Variants in CEP78 observed in about 807,000 individuals in gnomAD.
CEP78 encodes centrosomal protein 78, also known as centrosomal protein of 78 kDa.
Under a neutral mutation model 81.2 loss-of-function variants are expected in CEP78, and 76 were observed. That is an observed-to-expected ratio of 0.94 (90% CI 0.78 to 1.13). The LOEUF (loss-of-function observed/expected upper bound fraction) is 1.13. CEP78 is among the 50% of genes most tolerant of loss of function. The pLI is 0.00. For synonymous variants in CEP78, 293 were observed against 301.4 expected (o/e 0.97, Z 0.29); for missense variants, 918 against 846.8 (o/e 1.08, Z -1.04).
At position 78,247,768 on chromosome 9, in the gene CEP78, G is replaced by A. The variant is rs149212079; in HGVS notation, c.893-523G>A. 1.6e-3 allele frequency among the ~76,000 whole-genome samples: 245 copies of A among 152,260 alleles called. 5 individuals are homozygous for A. Among genetic ancestry groups the A allele is most frequent in the Middle Eastern group, 0.01 (3 of 294 alleles). On this transcript the variant is annotated intron_variant, in intron 6 of 16. Transcript: ENST00000643273. The stretch of plus-strand genomic sequence containing the variant: ...ATGGCTTCACTTAGGGTGGAAGGTT[G>A]GAGGTGGTAAAAAGTGGTTGAAACA...
intron 1 of CEP78, 84 bp downstream of exon 1, chr9:78,236,687 T>G: frequency 6.8e-7 from 1 of 1,473,622 alleles, no homozygotes; most frequent in Admixed American, 2.7e-5. Context: ...TCGGGGTATG[T>G]GTGCAATAGA....
intron 16 of CEP78, among the ~76,000 whole-genome samples, chr9:78,267,714 G>T (rs1311223386): frequency 1.3e-5 from 2 of 152,140 alleles, no homozygotes; most frequent in African/African-American, 4.8e-5. Context: ...AACACTATAA[G>T]TAGAAAAGAG....
At position 78,253,239 on chromosome 9, in the gene CEP78, C is replaced by A; in HGVS notation, c.1213C>A (p.Pro405Thr). The change falls in exon 10 of 17, where the codon CCA becomes ACA. Residue 405 changes from proline to threonine, a missense_variant. Pro to Thr is a conservative substitution (Grantham distance 38). Transcript: ENST00000643273. Reference protein sequence around the residue: ...AERAKRHRGFPLIKTRDICNQ... With the variant: ...AERAKRHRGFTLIKTRDICNQ... ...TTATCGATATCTTTTTAGGGGTTTC[C>A]CATTAATCAAAACACGTGATATATG... is the stretch of plus-strand genomic sequence containing the variant. 1 of 1,340,816 alleles carries A rather than the reference C, an allele frequency of 7.5e-7. No individual in the cohort carries two copies. Among genetic ancestry groups the A allele is most frequent in the Non-Finnish European group, 1.1e-6 (1 of 946,044 alleles). The allele number at this position is 1,340,816 out of a possible 1,614,324, so 83.1% of individuals were successfully genotyped here. A position where few individuals can be genotyped will look rare whatever the true frequency, so the allele number is the denominator to read the frequency against.
intron 5 of CEP78, 22 bp downstream of exon 5, chr9:78,243,658 G>A (rs927687433): frequency 3.1e-6 from 5 of 1,598,882 alleles, no homozygotes; most frequent in Non-Finnish European, 4.3e-6. Flanking sequence ...GAACTTGTAA[G>A]GTGGAAAATA....
Position 78,273,034 on chromosome 9 carries a change from C to T in CEP78, c.*2183C>T, listed in dbSNP as rs1349823352. The T allele has an allele frequency of 6.6e-6, 1 of 152,058 alleles. No individual in the cohort carries two copies. The highest frequency in any genetic ancestry group is 1.5e-5 in the Non-Finnish European group (1 of 68,010). The allele number at this position is 152,058 out of a possible 1,614,324, so 9.4% of individuals were successfully genotyped here. On this transcript the variant is annotated 3_prime_UTR_variant, in exon 17 of 17. Coordinates refer to ENST00000643273, the MANE Select transcript of CEP78 (RefSeq NM_001330691.3). ...GAGGGAAGCAAATGTATGTCAACAA[C>T]TTTAATAGCTACAAAACTACCTGGA...
intron 6 of CEP78, among the ~76,000 whole-genome samples, chr9:78,247,292 G>GT (rs1341491194): frequency 3.3e-5 from 5 of 152,158 alleles, no homozygotes; most frequent in African/African-American, 1.2e-4. Flanking sequence ...TATTAGATAG[G>GT]TTTTTTAGGG....
chr9:78,236,478 T>C lies in CEP78; in HGVS notation c.128T>C (p.Leu43Pro), dbSNP rs1587542147. The stretch of plus-strand genomic sequence containing the variant: ...CGCGCCTGTCTCCGGGAGGGCGTGC[T>C]GGATTTCAACGCCGACCGCCTCCGC... ...AVRACLREGV[L>P]DFNADRLRGV... Residue 43 changes from leucine to proline, a missense_variant, in exon 1 of 17, where the codon CTG (leucine) becomes CCG (proline). By Grantham distance (98) the Leu-to-Pro change is moderately conservative. Transcript: ENST00000643273. 6.2e-7 allele frequency: 1 copy of C among 1,607,508 alleles called. No individual in the cohort carries two copies.
chr9:78,264,122 G>A (rs1188575625), intron 12 of CEP78, 28 bp from the exon 13 acceptor site: 3 of 1,386,448 alleles, frequency 2.2e-6, no homozygotes, highest in East Asian at 2.7e-5. Context: ...AGAAAATCAT[G>A]TCACACATTT....
rs1221969870 is a variant in CEP78 at position 78,268,680 on chromosome 9, CTTTTT to C, written c.2107+1993_2107+1997del. Reference sequence around the variant, plus strand: ...AAATAGAATTAAGCAGGTTTCTTTTCTTTTTTTTTTTTTTTTTTTTGAGATGGAGT... The same window carrying C: ...AAATAGAATTAAGCAGGTTTCTTTTCTTTTTTTTTTTTTTTGAGATGGAGT... On this transcript the variant is annotated intron_variant, in intron 16 of 16. Coordinates refer to ENST00000643273, the MANE Select transcript of CEP78 (RefSeq NM_001330691.3). 2.3e-4 allele frequency among the ~76,000 whole-genome samples: 30 copies of C among 130,702 alleles called. No homozygotes were observed. In the South Asian group the frequency reaches 6.7e-3, roughly 29 times the overall value. The allele number at this position is 130,702 out of a possible 152,430, so 85.7% of individuals were successfully genotyped here. A position where few individuals can be genotyped will look rare whatever the true frequency, so the allele number is the denominator to read the frequency against.
At position 78,246,819 on chromosome 9, in the gene CEP78, A is replaced by T. The variant is rs748803864; in HGVS notation, c.892+37A>T. 10 of 1,187,222 alleles carry T rather than the reference A, an allele frequency of 8.4e-6. 1 individual carries two copies. The South Asian group carries it at 1.4e-4, about 16-fold the overall frequency. The allele number at this position is 1,187,222 out of a possible 1,614,324, so 73.5% of individuals were successfully genotyped here. On this transcript the variant is annotated intron_variant, in intron 6 of 16. Coordinates refer to ENST00000643273, the MANE Select transcript of CEP78 (RefSeq NM_001330691.3). ...CAATATTTTTTATTGACTAACAAATAGCAAAAGAAAAAGAATTTCTCATGT... is the reference window on the plus strand; with the variant it reads ...CAATATTTTTTATTGACTAACAAATTGCAAAAGAAAAAGAATTTCTCATGT...
intron 5 of CEP78, among the ~76,000 whole-genome samples, chr9:78,245,220 A>G (rs1405580576): frequency 6.6e-6 from 1 of 151,874 alleles, no homozygotes; most frequent in African/African-American, 2.4e-5. Context: ...TCCATTATAG[A>G]AGCATATAAC....
At chr9:78,244,846 G>A (rs1001015905) in intron 5 of CEP78, among the ~76,000 whole-genome samples, 1 of 152,118 alleles carries the variant, frequency 6.6e-6, no homozygotes, top group Admixed American at 6.5e-5. Context: ...GTTGTTGCCC[G>A]TGTCTCTTAT....
Position 78,278,466 on chromosome 9 carries a change from G to A in CEP78, c.*7615G>A, listed in dbSNP as rs956340728. 2.0e-5 allele frequency: 3 copies of A among 152,174 alleles called. No homozygotes were observed. The highest frequency in any genetic ancestry group is 7.2e-5 in the African/African-American group (3 of 41,446). 9.4% of individuals were successfully genotyped at this position (152,174 alleles called of 1,614,324 possible). On this transcript the variant is annotated 3_prime_UTR_variant, in exon 17 of 17. Transcript: ENST00000643273. ...CTGGCCCCACCTTCCTTGTGTGCAC[G>A]TATAATTAATGGAAAATTGCATCAA...
At position 78,265,397 on chromosome 9, in the gene CEP78, G is replaced by A. The variant is rs1441371901; in HGVS notation, c.1651G>A (p.Gly551Arg). 6.9e-6 allele frequency: 11 copies of A among 1,605,728 alleles called. No homozygotes were observed. Among genetic ancestry groups the A allele is most frequent in the Non-Finnish European group, 9.3e-6 (11 of 1,176,766 alleles). Residue 551 changes from glycine to arginine, a missense_variant, in exon 14 of 17, where the codon GGG becomes AGG. Gly to Arg is a moderately radical substitution (Grantham distance 125). Transcript: ENST00000643273. ...GCTTGGGCAGCTTGCCACAATGGCT[G>A]GGATAGATCAGTCAGATTTTCAATT... ...AGLGQLATMA[G>R]IDQSDFQLLG...
rs1491476112 is a variant in CEP78, at chr9:78,276,081, A to ACTG, written c.*5231_*5232insTGC. Reference sequence around the variant, plus strand: ...CCTTATAGCAAACTGCACAAATAAAACACAAGGAAAACTAAACCAAATTCA... The same window carrying ACTG: ...CCTTATAGCAAACTGCACAAATAAAACTGCACAAGGAAAACTAAACCAAATTCA... On this transcript the variant is annotated 3_prime_UTR_variant, in exon 17 of 17. Coordinates refer to ENST00000643273, the MANE Select transcript of CEP78 (RefSeq NM_001330691.3). 1.3e-5 allele frequency: 2 copies of ACTG among 152,256 alleles called. No individual in the cohort carries two copies. The highest frequency in any genetic ancestry group is 6.5e-5 in the Admixed American group (1 of 15,288). 9.4% of individuals were successfully genotyped at this position (152,256 alleles called of 1,614,324 possible).
chr9:78,243,895 G>T (rs905200181), intron 5 of CEP78, among the ~76,000 whole-genome samples: 18 of 150,314 alleles, frequency 1.2e-4, no homozygotes, highest in Non-Finnish European at 2.7e-4. Context: ...TTTCAGTATT[G>T]TTTTTTCCTG....
rs1827806091 is a variant in CEP78 at position 78,276,450 on chromosome 9, A to T, written c.*5599A>T. On this transcript the variant is annotated 3_prime_UTR_variant, in exon 17 of 17. Coordinates refer to ENST00000643273, the MANE Select transcript of CEP78 (RefSeq NM_001330691.3). ...TGCTAAGATAAAAACGGTACTAAAA[A>T]GTACACATTTTGGGAAATGAGACAA... The T allele has an allele frequency of 6.6e-6, 1 of 152,156 alleles. No homozygotes were observed. The highest frequency in any genetic ancestry group is 2.1e-4 in the South Asian group (1 of 4,830). The allele number at this position is 152,156 out of a possible 1,614,324, so 9.4% of individuals were successfully genotyped here.
At chr9:78,250,744 G>GA (rs946534112) in intron 8 of CEP78, among the ~76,000 whole-genome samples, 5 of 149,082 alleles carry the variant, frequency 3.4e-5, no homozygotes, top group Middle Eastern at 6.8e-3. Flanking sequence ...TGTCTCCAAA[G>GA]AAAAAAAAAA....
In CEP78 at chr9:78,240,103, C is replaced by T; in HGVS notation, c.334C>T (p.Leu112Phe). The change falls in exon 2 of 17, where the codon CTT becomes TTT. Residue 112 changes from leucine to phenylalanine, a missense_variant. Physicochemically the swap from Leu to Phe is conservative, Grantham distance 22. Transcript: ENST00000643273. The part of the protein sequence containing the change: ...KDVTFQLCKA[L>F]KGCLSISSVL... ...TGTGACCTTCCAGTTGTGTAAAGCT[C>T]TTAAAGGCTGTTTAAGTATATCAAG... 1 of 1,585,654 alleles carries T rather than the reference C, an allele frequency of 6.3e-7. No homozygotes were observed. Among genetic ancestry groups the T allele is most frequent in the Non-Finnish European group, 8.5e-7 (1 of 1,173,496 alleles).
Sources: allele counts gnomAD v4.1 joint callset (sites outside exome capture counted in the v4.1 genomes callset), GRCh38; gene constraint gnomAD v4.1.1; transcripts MANE v1.5; gene names NCBI Gene and HGNC (gene_info 2026-07-23, HGNC 2026-07-21).